Variants in SLC24A3 observed in about 807,000 individuals in gnomAD.
The protein encoded by SLC24A3 is solute carrier family 24 member 3, also known as sodium/potassium/calcium exchanger 3.
Under a neutral mutation model 75.8 loss-of-function variants are expected in SLC24A3, and 28 were observed. The ratio of observed to expected loss-of-function variants is 0.37; its 90% CI spans 0.27 to 0.51. SLC24A3 has a LOEUF of 0.51. SLC24A3 is among the 20% of genes least tolerant of loss of function. SLC24A3 has a pLI of 0.94. For synonymous variants in SLC24A3, 372 were observed against 334.1 expected (o/e 1.11, Z -1.24); for missense variants, 663 against 847.8 (o/e 0.78, Z 2.71).
intron 9 of SLC24A3, among the ~76,000 whole-genome samples, chr20:19,679,867 ATG>A (rs77970947): frequency 0.12 from 18,798 of 151,442 alleles, 1,739 homozygotes; most frequent in African/African-American, 0.26. Flanking sequence ...ATGTGTGTGC[ATG>A]TGTGTGTGTG....
chr20:19,389,440 A>T (rs1227883239), intron 2 of SLC24A3, among the ~76,000 whole-genome samples: 1 of 152,104 alleles, frequency 6.6e-6, no homozygotes, highest in African/African-American at 2.4e-5. Context: ...TCTGTCAGGG[A>T]AAGTCCTTAT....
intron 2 of SLC24A3, among the ~76,000 whole-genome samples, chr20:19,407,391 G>A (rs144490869): frequency 1.5e-3 from 222 of 152,308 alleles, no homozygotes; most frequent in African/African-American, 4.8e-3. Context: ...AGTTGAGAAC[G>A]GGGCAGGTCG....
At chr20:19,624,225 C>T (rs1488346871) in intron 6 of SLC24A3, among the ~76,000 whole-genome samples, 1 of 152,172 alleles carries the variant, frequency 6.6e-6, no homozygotes, top group Non-Finnish European at 1.5e-5. Flanking sequence ...TTGGTTTGAT[C>T]TTGCCTTGGC....
chr20:19,342,795 G>A (rs1369863959), intron 2 of SLC24A3, among the ~76,000 whole-genome samples: 1 of 152,204 alleles, frequency 6.6e-6, no homozygotes, highest in East Asian at 1.9e-4. Context: ...GAAGCGCCGG[G>A]CACGGTGGCC....
chr20:19,629,906 C>G (rs1031682382), intron 6 of SLC24A3, among the ~76,000 whole-genome samples: 4 of 152,102 alleles, frequency 2.6e-5, no homozygotes, highest in Non-Finnish European at 5.9e-5. Context: ...GAAGAGAGAC[C>G]TTCAAGTTGA....
intron 2 of SLC24A3, among the ~76,000 whole-genome samples, chr20:19,494,124 C>T (rs575334651): frequency 0.33 from 517 of 1,574 alleles, 4 homozygotes; most frequent in African/African-American, 0.45. Context: ...GGCTCAGCCT[C>T]GGCCACCAGG....
In SLC24A3 at chr20:19,571,083, AGTG is replaced by A. The variant is rs560693934; in HGVS notation, c.349-8915_349-8913del. On this transcript the variant is annotated intron_variant, in intron 3 of 16. Transcript: ENST00000328041. ...GGTGTGGTGGTCAGGATTTGAACCC[AGTG>A]GGTCACCTGGGTTCAAATCCTGCCT... Among the ~76,000 whole-genome samples, 6 of 151,978 alleles carry A rather than the reference AGTG, an allele frequency of 3.9e-5. No homozygotes were observed. The South Asian group carries it at 1.3e-3, about 32-fold the overall frequency.
intron 2 of SLC24A3, among the ~76,000 whole-genome samples, chr20:19,464,409 A>ACG (rs1987730974): frequency 6.6e-6 from 1 of 152,124 alleles, no homozygotes; most frequent in African/African-American, 2.4e-5. Context: ...ACACATGCAC[A>ACG]CACACAAAGC....
intron 2 of SLC24A3, among the ~76,000 whole-genome samples, chr20:19,341,025 T>C (rs1283768797): frequency 6.6e-6 from 1 of 152,158 alleles, no homozygotes; most frequent in East Asian, 1.9e-4. Context: ...GCATGTAAGC[T>C]CTTCCCTCCT....
chr20:19,658,572 A>AAAGTGTGTGCTTCT (rs1348153179), intron 7 of SLC24A3, among the ~76,000 whole-genome samples: 8 of 152,194 alleles, frequency 5.3e-5, no homozygotes, highest in Non-Finnish European at 1.0e-4. Flanking sequence ...TCAAAAACAT[A>AAAGTGTGTGCTTCT]AAGTGTGTGC....
At chr20:19,465,092 G>T (rs999842807) in intron 2 of SLC24A3, among the ~76,000 whole-genome samples, 8 of 152,208 alleles carry the variant, frequency 5.3e-5, no homozygotes, top group Admixed American at 4.6e-4. Context: ...TTTAAATTTA[G>T]ATAGCCACAT....
At chr20:19,228,613 C>A (rs1981933061) in intron 1 of SLC24A3, among the ~76,000 whole-genome samples, 1 of 151,824 alleles carries the variant, frequency 6.6e-6, no homozygotes, top group Admixed American at 6.6e-5. Flanking sequence ...CCACTGCACT[C>A]CAGCCTGGGT....
At chr20:19,461,837 A>T (rs964461755) in intron 2 of SLC24A3, among the ~76,000 whole-genome samples, 32 of 152,174 alleles carry the variant, frequency 2.1e-4, no homozygotes, top group Non-Finnish European at 3.4e-4. Flanking sequence ...CTGGCCCCCA[A>T]GTACTTCATC....
intron 6 of SLC24A3, among the ~76,000 whole-genome samples, chr20:19,614,014 GC>G (rs2031704639): frequency 6.6e-6 from 1 of 152,200 alleles, no homozygotes; most frequent in Non-Finnish European, 1.5e-5. Flanking sequence ...TTATGCGGGG[GC>G]TGGCTCTGCC....
At chr20:19,634,591 G>T (rs2031976691) in intron 6 of SLC24A3, among the ~76,000 whole-genome samples, 1 of 152,048 alleles carries the variant, frequency 6.6e-6, no homozygotes. Flanking sequence ...GAAAATTATT[G>T]ATACACATAA....
At chr20:19,625,449 A>C (rs2031855236) in intron 6 of SLC24A3, among the ~76,000 whole-genome samples, 1 of 152,188 alleles carries the variant, frequency 6.6e-6, no homozygotes, top group African/African-American at 2.4e-5. Context: ...CCCTGTCTTG[A>C]TGAGACAATG....
chr20:19,263,377 G>T (rs1983057766), intron 1 of SLC24A3, among the ~76,000 whole-genome samples: 1 of 152,166 alleles, frequency 6.6e-6, no homozygotes, highest in Non-Finnish European at 1.5e-5. Context: ...TTCAAGGGGG[G>T]ACGTTATTGG....
At chr20:19,683,548 C>T (rs1382782126) in intron 10 of SLC24A3, among the ~76,000 whole-genome samples, 4 of 152,240 alleles carry the variant, frequency 2.6e-5, no homozygotes, top group Non-Finnish European at 1.5e-5. Context: ...TGCTCATAGA[C>T]TGGGCTGAGG....
chr20:19,229,760 G>C (rs1030852991), intron 1 of SLC24A3, among the ~76,000 whole-genome samples: 2 of 152,102 alleles, frequency 1.3e-5, no homozygotes, highest in African/African-American at 4.8e-5. Flanking sequence ...TTATTTGGCT[G>C]TGTCTTCATC....
Sources: gnomAD v4.1 joint callset for allele counts (sites outside exome capture counted in the v4.1 genomes callset) on GRCh38, gnomAD v4.1.1 for gene constraint, MANE v1.5 for transcripts, NCBI Gene and HGNC (gene_info 2026-07-23, HGNC 2026-07-21) for gene names.